The following MAGI1 variants were observed in gnomAD, a reference collection of about 807,000 sequenced individuals.
MAGI1 encodes membrane-associated guanylate kinase, WW and PDZ domain-containing protein 1.
MAGI1 carries 58 observed loss-of-function variants against 139.9 expected under a neutral mutation model. The observed-to-expected ratio is 0.41, with a 90% CI of 0.34 to 0.52. The LOEUF (loss-of-function observed/expected upper bound fraction) is 0.52. Ranked by LOEUF, MAGI1 falls within the 20% of genes least tolerant of loss-of-function variation. MAGI1 has a pLI of 0.12. For synonymous variants in MAGI1, 812 were observed against 737.9 expected (o/e 1.10, Z -1.63); for missense variants, 1,874 against 1,901.6 (o/e 0.99, Z 0.27).
At chr3:65,710,367 G>A (rs1266265384) in intron 1 of MAGI1, among the ~76,000 whole-genome samples, 10 of 125,112 alleles carry the variant, frequency 8.0e-5, no homozygotes, top group African/African-American at 9.1e-5. Flanking sequence ...CACAACCTCC[G>A]CCTCCCAGGT....
chr3:65,665,296 G>A (rs1199757678), intron 1 of MAGI1, among the ~76,000 whole-genome samples: 5 of 152,076 alleles, frequency 3.3e-5, no homozygotes, highest in Non-Finnish European at 7.4e-5. Context: ...AAAAGAAAAC[G>A]GAAATTGGCT....
At chr3:65,784,816 T>A (rs555503581) in intron 1 of MAGI1, among the ~76,000 whole-genome samples, 1 of 152,324 alleles carries the variant, frequency 6.6e-6, no homozygotes, top group African/African-American at 2.4e-5. Flanking sequence ...TGCTACAACA[T>A]GGATGAATCC....
intron 1 of MAGI1, among the ~76,000 whole-genome samples, chr3:65,915,651 T>C (rs1437121363): frequency 6.6e-6 from 1 of 152,194 alleles, no homozygotes; most frequent in Non-Finnish European, 1.5e-5. Context: ...ATCATCCCTC[T>C]GGGTTATCCA....
intron 12 of MAGI1, among the ~76,000 whole-genome samples, chr3:65,403,099 T>C (rs1289620884): frequency 6.6e-6 from 1 of 152,166 alleles, no homozygotes; most frequent in Non-Finnish European, 1.5e-5. Context: ...ACAAAGTGCT[T>C]TGGGGCCCTC....
At chr3:65,923,542 T>C (rs946975889) in intron 1 of MAGI1, among the ~76,000 whole-genome samples, 2 of 151,998 alleles carry the variant, frequency 1.3e-5, no homozygotes, top group Non-Finnish European at 1.5e-5. Context: ...ACATCTTAAA[T>C]AATAAACATC....
At chr3:66,005,695 C>T (rs1052843315) in intron 1 of MAGI1, among the ~76,000 whole-genome samples, 2 of 152,020 alleles carry the variant, frequency 1.3e-5, no homozygotes, top group African/African-American at 2.4e-5. Context: ...AGCTGAAGGA[C>T]AAAGACAAGG....
intron 2 of MAGI1, among the ~76,000 whole-genome samples, chr3:65,511,582 A>G (rs2077595146): frequency 9.7e-6 from 1 of 103,520 alleles, no homozygotes; most frequent in African/African-American, 3.7e-5. Context: ...TGGTAAAGGG[A>G]TCAATTCAAC....
chr3:65,371,443 T>C (rs1941982299), intron 18 of MAGI1, among the ~76,000 whole-genome samples: 2 of 152,252 alleles, frequency 1.3e-5, no homozygotes, highest in African/African-American at 2.4e-5. Context: ...AATGATCACC[T>C]GAGCCTTCAG....
intron 2 of MAGI1, among the ~76,000 whole-genome samples, chr3:65,515,262 AAC>A (rs1243775502): frequency 2.2e-5 from 2 of 91,800 alleles, no homozygotes; most frequent in African/African-American, 8.5e-5. Flanking sequence ...ATACATATGT[AAC>A]TAACCTGCAC....
chr3:66,000,471 C>T (rs2066687258), intron 1 of MAGI1, among the ~76,000 whole-genome samples: 2 of 152,194 alleles, frequency 1.3e-5, no homozygotes, highest in South Asian at 4.2e-4. Context: ...ATTTTTAAAC[C>T]TAATACGACT....
intron 2 of MAGI1, among the ~76,000 whole-genome samples, chr3:65,605,849 G>C (rs942584747): frequency 4.6e-5 from 7 of 152,052 alleles, no homozygotes; most frequent in Non-Finnish European, 7.4e-5. Context: ...AAGAATTACA[G>C]AATCAAACTC....
intron 13 of MAGI1, among the ~76,000 whole-genome samples, chr3:65,394,137 G>A (rs1254453522): frequency 6.6e-6 from 1 of 152,132 alleles, no homozygotes; most frequent in Admixed American, 6.5e-5. Flanking sequence ...CCCTGACATG[G>A]AAGAACCTAG....
At chr3:65,429,370 C>T (rs1947312194) in intron 12 of MAGI1, 150 bp downstream of exon 12, 1 of 773,830 alleles carries the variant, frequency 1.3e-6, no homozygotes, top group Non-Finnish European at 2.0e-6. Context: ...AATTTTTATG[C>T]TAAAGAGGTT....
intron 1 of MAGI1, among the ~76,000 whole-genome samples, chr3:65,664,384 AT>A (rs554653561): frequency 1.8e-4 from 28 of 152,356 alleles, no homozygotes; most frequent in African/African-American, 6.0e-4. Context: ...ATGTATATGT[AT>A]AAGCTATTGT....
intron 1 of MAGI1, among the ~76,000 whole-genome samples, chr3:66,027,474 G>A (rs1388673900): frequency 6.6e-6 from 1 of 152,008 alleles, no homozygotes; most frequent in African/African-American, 2.4e-5. Flanking sequence ...TGCCCCTGCT[G>A]TCAAGGCATT....
intron 1 of MAGI1, among the ~76,000 whole-genome samples, chr3:65,876,027 AGCTAT>A (rs2060103278): frequency 6.6e-6 from 1 of 151,982 alleles, no homozygotes; most frequent in East Asian, 1.9e-4. Flanking sequence ...TAATAGGTTT[AGCTAT>A]GCTGTGAGGG....
intron 2 of MAGI1, among the ~76,000 whole-genome samples, chr3:65,553,325 T>C (rs1395839735): frequency 6.6e-6 from 1 of 152,178 alleles, no homozygotes; most frequent in African/African-American, 2.4e-5. Flanking sequence ...GTATGAGCCT[T>C]GTCCTACATT....
intron 5 of MAGI1, among the ~76,000 whole-genome samples, chr3:65,463,558 A>ATGTGTGTATGTGTG (rs1949959175): frequency 7.1e-6 from 1 of 140,748 alleles, no homozygotes; most frequent in African/African-American, 2.7e-5. Flanking sequence ...TTGGCCTGAA[A>ATGTGTGTATGTGTG]TGTGTGTGTG....
chr3:65,888,683 C>CA (rs2108560998), intron 1 of MAGI1, among the ~76,000 whole-genome samples: 1 of 151,958 alleles, frequency 6.6e-6, no homozygotes, highest in South Asian at 2.1e-4. Flanking sequence ...TTTAAACACT[C>CA]AAAAATGAAA....
Sources: gnomAD v4.1 joint callset for allele counts (sites outside exome capture counted in the v4.1 genomes callset) on GRCh38, gnomAD v4.1.1 for gene constraint, MANE v1.5 for transcripts, NCBI Gene and HGNC (gene_info 2026-07-23, HGNC 2026-07-21) for gene names.